SPACA1: variants seen among roughly 807,000 people sequenced by gnomAD.
SPACA1 encodes sperm acrosome associated 1, also known as sperm acrosome membrane-associated protein 1.
In SPACA1, 17 loss-of-function variants were observed where a neutral mutation model predicts 32.6. The observed-to-expected ratio is 0.52, with a 90% confidence interval of 0.36 to 0.78. The LOEUF (loss-of-function observed/expected upper bound fraction) is 0.78. SPACA1 is among the 30% of genes least tolerant of loss of function. The probability of loss-of-function intolerance (pLI) is 0.01; values close to 1 mark genes in which losing one functional copy is unlikely to be tolerated. For synonymous variants in SPACA1, 140 were observed against 138.1 expected, an observed-to-expected ratio of 1.01 and a Z score of -0.10; for missense variants, 363 against 373.4, an observed-to-expected ratio of 0.97 and a Z score of 0.23.
At position 88,066,553 on chromosome 6, in the gene SPACA1, A is replaced by G. The variant is rs1245174680; in HGVS notation, c.*218A>G. On this transcript the variant is annotated 3_prime_UTR_variant, in exon 7 of 7. Coordinates refer to ENST00000237201, the MANE Select transcript of SPACA1 (RefSeq NM_030960.3). Reference sequence around the variant, plus strand: ...TTGTTCTCAACACTTATTTCAGGTAATAGCTTGGGGATATTTATCTAAAGG... The same window carrying G: ...TTGTTCTCAACACTTATTTCAGGTAGTAGCTTGGGGATATTTATCTAAAGG... 6.4e-6 allele frequency: 2 copies of G among 312,356 alleles called. No homozygotes were observed. The highest frequency in any genetic ancestry group is 2.1e-5 in the African/African-American group (1 of 46,552). The allele number at this position is 312,356 out of a possible 1,614,324, so 19.3% of individuals were successfully genotyped here.
chr6:88,058,296 C>G (rs897698939), intron 3 of SPACA1, among the ~76,000 whole-genome samples: 1 of 152,214 alleles, frequency 6.6e-6, no homozygotes, highest in African/African-American at 2.4e-5. Context: ...TACACTCAAA[C>G]TCCTAATTAT....
At chr6:88,051,300 A>T (rs1775725073) in intron 1 of SPACA1, among the ~76,000 whole-genome samples, 1 of 152,330 alleles carries the variant, frequency 6.6e-6, no homozygotes, top group African/African-American at 2.4e-5. Flanking sequence ...CAAAATAGAA[A>T]GTTGTAGTCT....
intron 1 of SPACA1, 137 bp downstream of exon 1, chr6:88,048,250 C>T (rs1582265429): frequency 1.1e-6 from 1 of 908,660 alleles, no homozygotes; most frequent in Admixed American, 2.9e-5. Context: ...CCGAGTTTGT[C>T]CCTTTCTTGC....
chr6:88,052,565 G>A (rs1010424141), intron 1 of SPACA1, among the ~76,000 whole-genome samples: 2 of 152,130 alleles, frequency 1.3e-5, no homozygotes, highest in African/African-American at 4.8e-5. Flanking sequence ...GGCTGGGCAC[G>A]GTGGCTTATT....
intron 2 of SPACA1, among the ~76,000 whole-genome samples, chr6:88,056,530 G>A (rs568334422): frequency 2.6e-5 from 4 of 152,292 alleles, no homozygotes; most frequent in African/African-American, 9.6e-5. Context: ...CTGGGAGCTT[G>A]TTAGAAATGC....
chr6:88,051,352 T>C (rs1267604493), intron 1 of SPACA1, among the ~76,000 whole-genome samples: 1 of 152,220 alleles, frequency 6.6e-6, no homozygotes, highest in Non-Finnish European at 1.5e-5. Context: ...CTATATGTTA[T>C]TTTTGTCTTG....
intron 1 of SPACA1, among the ~76,000 whole-genome samples, chr6:88,051,576 C>G (rs935601247): frequency 6.6e-6 from 1 of 152,178 alleles, no homozygotes; most frequent in Admixed American, 6.5e-5. Flanking sequence ...TTAGTGTAGT[C>G]TAAGACCCAG....
Position 88,066,397 on chromosome 6 carries a change from A to T in SPACA1, c.*62A>T. 7.1e-7 allele frequency: 1 copy of T among 1,408,252 alleles called. No individual in the cohort carries two copies. The highest frequency in any genetic ancestry group is 2.5e-5 in the East Asian group (1 of 40,492). The allele number at this position is 1,408,252 out of a possible 1,614,324, so 87.2% of individuals were successfully genotyped here. A position where few individuals can be genotyped will look rare whatever the true frequency, so the allele number is the denominator to read the frequency against. On this transcript the variant is annotated 3_prime_UTR_variant, in exon 7 of 7. Coordinates refer to ENST00000237201, the MANE Select transcript of SPACA1 (RefSeq NM_030960.3). ...AGAATATTAGATTCATTATTACAAA[A>T]ATAAAATACACATTGAAATACTTTA... is the stretch of plus-strand genomic sequence containing the variant.
In SPACA1 at chr6:88,048,121, C is replaced by T. The variant is rs1775672227; in HGVS notation, c.208+8C>T. The T allele has an allele frequency of 1.3e-5, 20 of 1,579,792 alleles. No homozygotes were observed. Among genetic ancestry groups the T allele is most frequent in the Non-Finnish European group, 1.7e-5 (20 of 1,163,226 alleles). On this transcript the variant is annotated splice_region_variant and intron_variant, in intron 1 of 6. Transcript: ENST00000237201. ...CGCCTGAAACCGAGGATGGTGAGGG[C>T]GGGAGCTCCCTTGCGGGGCACGCGG... is the stretch of plus-strand genomic sequence containing the variant.
intron 3 of SPACA1, among the ~76,000 whole-genome samples, 173 bp downstream of exon 3, chr6:88,057,886 C>T (rs1174185334): frequency 6.6e-6 from 1 of 152,192 alleles, no homozygotes; most frequent in Non-Finnish European, 1.5e-5. Flanking sequence ...GAGCAACTTT[C>T]TGATTTTGCT....
intron 3 of SPACA1, among the ~76,000 whole-genome samples, chr6:88,058,388 G>C (rs771865049): frequency 5.3e-5 from 8 of 152,186 alleles, no homozygotes; most frequent in Non-Finnish European, 1.2e-4. Flanking sequence ...TGTAATCTTA[G>C]CACTTTGGGA....
rs1021094748 is a variant in SPACA1, at chr6:88,057,692, C to T, written c.346C>T (p.Arg116Cys). 17 of 1,613,674 alleles carry T rather than the reference C, an allele frequency of 1.1e-5. No individual in the cohort carries two copies. The highest frequency in any genetic ancestry group is 3.3e-4 in the Middle Eastern group (2 of 6,082). Residue 116 changes from arginine (R) to cysteine (C), a missense_variant, in exon 3 of 7, where the codon CGT becomes TGT. Coordinates refer to ENST00000237201, the MANE Select transcript of SPACA1 (RefSeq NM_030960.3). ...SKCVVRVEEC[R>C]GPTDCGWGKP... Reference sequence around the variant, plus strand: ...GTGTGTTGTACGGGTAGAAGAATGCCGTGGACCAACAGATTGTGGCTGTGA... The same window carrying T: ...GTGTGTTGTACGGGTAGAAGAATGCTGTGGACCAACAGATTGTGGCTGTGA...
rs1258871774 is a variant in SPACA1 at position 88,058,806 on chromosome 6, T to C, written c.458T>C (p.Leu153Pro). 6.2e-7 allele frequency: 1 copy of C among 1,610,636 alleles called. No individual in the cohort carries two copies. The highest frequency in any genetic ancestry group is 1.7e-5 in the Admixed American group (1 of 59,968). Residue 153 changes from leucine to proline, a missense_variant, in exon 4 of 7, where the codon CTT (leucine) becomes CCT (proline). By Grantham distance (98) the Leu-to-Pro change is moderately conservative (BLOSUM62 -3). Transcript: ENST00000237201. ...AATCGTTTCAAATATATGTGGAAAC[T>C]TCTAAGACAAGACCAAGTGAGTAAT... is the stretch of plus-strand genomic sequence containing the variant. ...PLNRFKYMWKLLRQDQQSIIL... is the reference protein window; with the variant it reads ...PLNRFKYMWKPLRQDQQSIIL...
At chr6:88,053,297 G>A (rs548052232) in intron 1 of SPACA1, among the ~76,000 whole-genome samples, 11 of 152,268 alleles carry the variant, frequency 7.2e-5, no homozygotes, top group African/African-American at 2.6e-4. Flanking sequence ...AATTTGAGCT[G>A]AAGAATTGCT....
chr6:88,056,644 A>G (rs1775812951), intron 2 of SPACA1, among the ~76,000 whole-genome samples: 1 of 152,092 alleles, frequency 6.6e-6, no homozygotes, highest in South Asian at 2.1e-4. Flanking sequence ...GTTATAAGAC[A>G]CCTCTAGTCA....
chr6:88,051,714 T>C (rs889210559), intron 1 of SPACA1, among the ~76,000 whole-genome samples: 4 of 152,262 alleles, frequency 2.6e-5, no homozygotes, highest in African/African-American at 9.6e-5. Flanking sequence ...GTTGGCTTTT[T>C]AGCTGTATGT....
intron 2 of SPACA1, 21 bp downstream of exon 2, chr6:88,054,023 G>T: frequency 1.2e-6 from 2 of 1,610,900 alleles, no homozygotes; most frequent in Non-Finnish European, 8.5e-7. Flanking sequence ...TGGAGCAGAT[G>T]AATAAACCAT....
chr6:88,061,297 A>G (rs1775893106), intron 5 of SPACA1, among the ~76,000 whole-genome samples: 1 of 152,202 alleles, frequency 6.6e-6, no homozygotes, highest in Non-Finnish European at 1.5e-5. Flanking sequence ...AGTACTCAGA[A>G]TGTGACTCTA....
intron 3 of SPACA1, among the ~76,000 whole-genome samples, chr6:88,058,508 A>T (rs925527886): frequency 1.3e-5 from 2 of 152,154 alleles, no homozygotes; most frequent in African/African-American, 2.4e-5. Context: ...GCACAGTGGC[A>T]TGTGCATGTA....
Sources: gnomAD v4.1 joint callset for allele counts (sites outside exome capture counted in the v4.1 genomes callset) on GRCh38, gnomAD v4.1.1 for gene constraint, MANE v1.5 for transcripts, NCBI Gene and HGNC (gene_info 2026-07-23, HGNC 2026-07-21) for gene names.